The following FAM171A1 variants were observed in gnomAD, a reference collection of about 807,000 sequenced individuals.
FAM171A1 encodes family with sequence similarity 171 member A1.
In FAM171A1, 23 loss-of-function variants were observed where a neutral mutation model predicts 74.9. That is an observed-to-expected ratio of 0.31 (90% CI 0.22 to 0.44). The LOEUF is 0.44. FAM171A1 is among the 20% of genes least tolerant of loss of function. The probability of loss-of-function intolerance (pLI) is 1.00; values close to 1 mark genes in which losing one functional copy is unlikely to be tolerated. For missense variants in FAM171A1, 1,162 were observed against 1,159.2 expected, an observed-to-expected ratio of 1.00 and a Z score of -0.03; for synonymous variants, 527 against 505.7, an observed-to-expected ratio of 1.04 and a Z score of -0.57.
At chr10:15,317,285 G>A (rs1835433891) in intron 1 of FAM171A1, among the ~76,000 whole-genome samples, 1 of 152,150 alleles carries the variant, frequency 6.6e-6, no homozygotes, top group Non-Finnish European at 1.5e-5. Context: ...CACAGATAAG[G>A]GCTGGGTTTA....
chr10:15,321,632 T>A (rs1835487874), intron 1 of FAM171A1, among the ~76,000 whole-genome samples: 1 of 152,240 alleles, frequency 6.6e-6, no homozygotes, highest in African/African-American at 2.4e-5. Flanking sequence ...TTTCTGAGTC[T>A]AGAATTTTGA....
chr10:15,255,316 G>A (rs1157392276), intron 3 of FAM171A1, among the ~76,000 whole-genome samples: 9 of 152,158 alleles, frequency 5.9e-5, no homozygotes, highest in Non-Finnish European at 1.3e-4. Context: ...GAAAAATCTG[G>A]TTTAATGCCA....
rs933451828 is a variant in FAM171A1 at position 15,369,998 on chromosome 10, T to C, written c.97+958A>G. 2.6e-5 allele frequency among the ~76,000 whole-genome samples: 4 copies of C among 152,302 alleles called. No homozygotes were observed. In the East Asian group the frequency reaches 7.7e-4, roughly 29 times the overall value. ...GCTCATCTGCGGGCCTCAGTGGCCC[T>C]TTTGAAAACGCCAGCAACAGAGGAG... On this transcript the variant is annotated intron_variant, in intron 1 of 7. Transcript: ENST00000378116.
At chr10:15,318,053 C>T (rs929949553) in intron 1 of FAM171A1, among the ~76,000 whole-genome samples, 55 of 152,326 alleles carry the variant, frequency 3.6e-4, no homozygotes, top group African/African-American at 1.3e-3. Context: ...CCTGGCTTCC[C>T]AAAGTGCTAG....
At chr10:15,299,200 T>C (rs1331877258) in intron 1 of FAM171A1, among the ~76,000 whole-genome samples, 2 of 152,216 alleles carry the variant, frequency 1.3e-5, no homozygotes, top group African/African-American at 4.8e-5. Context: ...ATTACAGGTG[T>C]GAGCCACCGC....
In FAM171A1 at chr10:15,284,060, G is replaced by C. The variant is rs764757061; in HGVS notation, c.143C>G (p.Pro48Arg). 9 of 1,609,174 alleles carry C rather than the reference G, an allele frequency of 5.6e-6. No homozygotes were observed. Among genetic ancestry groups the C allele is most frequent in the Non-Finnish European group, 8.5e-7 (1 of 1,178,196 alleles). ...GATCTCGATGAGCGCATCTGCTACG[G>C]GCTGGTGGGTGCTGGCGTCGCTGAT... ...VHISDASTHQ[P>R]VADALIEIFT... Residue 48 changes from proline (P) to arginine (R), a missense_variant, in exon 2 of 8, where the codon CCC (proline) becomes CGC (arginine). Pro to Arg is a moderately radical substitution (Grantham distance 103). Coordinates refer to ENST00000378116, the MANE Select transcript of FAM171A1 (RefSeq NM_001010924.2).
At chr10:15,270,653 G>T (rs918280349) in intron 3 of FAM171A1, among the ~76,000 whole-genome samples, 2 of 152,104 alleles carry the variant, frequency 1.3e-5, no homozygotes, top group African/African-American at 2.4e-5. Context: ...CACCTCATAC[G>T]GCTGGGTGCC....
chr10:15,305,780 T>C (rs935839690), intron 1 of FAM171A1, among the ~76,000 whole-genome samples: 54 of 148,854 alleles, frequency 3.6e-4, no homozygotes, highest in African/African-American at 1.2e-3. Context: ...GTACATCCAA[T>C]ATGCAAATTG....
intron 1 of FAM171A1, among the ~76,000 whole-genome samples, chr10:15,351,693 GTGGA>G (rs879620442): frequency 1.3e-5 from 2 of 151,254 alleles, no homozygotes; most frequent in African/African-American, 4.9e-5. Context: ...GGATGGATGG[GTGGA>G]TGGATGGATG....
chr10:15,256,117 C>G (rs1834577625), intron 3 of FAM171A1, among the ~76,000 whole-genome samples: 2 of 152,168 alleles, frequency 1.3e-5, no homozygotes, highest in African/African-American at 4.8e-5. Flanking sequence ...TCCACCTGTG[C>G]TTTGCTGAGG....
At chr10:15,227,994 T>C (rs577088883) in intron 5 of FAM171A1, among the ~76,000 whole-genome samples, 1 of 152,262 alleles carries the variant, frequency 6.6e-6, no homozygotes, top group East Asian at 1.9e-4. Flanking sequence ...CTACTTTTAT[T>C]TGCAAAGTAT....
chr10:15,358,377 C>T (rs1220471012), intron 1 of FAM171A1, among the ~76,000 whole-genome samples: 2 of 152,172 alleles, frequency 1.3e-5, no homozygotes, highest in Non-Finnish European at 2.9e-5. Flanking sequence ...AGAAAGCCCT[C>T]ACTCTATGCC....
intron 5 of FAM171A1, 104 bp downstream of exon 5, chr10:15,248,535 C>T: frequency 8.0e-7 from 1 of 1,256,134 alleles, no homozygotes; most frequent in Non-Finnish European, 1.1e-6. Context: ...CAGCAGCATT[C>T]ACTGACTTCA....
intron 1 of FAM171A1, among the ~76,000 whole-genome samples, chr10:15,364,806 G>A (rs766095275): frequency 6.6e-6 from 1 of 152,216 alleles, no homozygotes; most frequent in East Asian, 1.9e-4. Flanking sequence ...ATCTGCAAAG[G>A]TATCTGTGTA....
intron 1 of FAM171A1, among the ~76,000 whole-genome samples, chr10:15,324,647 A>C (rs1348417480): frequency 6.6e-6 from 1 of 152,130 alleles, no homozygotes; most frequent in East Asian, 1.9e-4. Context: ...CGTCTAACCA[A>C]GGAATGTTTA....
At chr10:15,324,977 C>T (rs1343778099) in intron 1 of FAM171A1, among the ~76,000 whole-genome samples, 1 of 152,138 alleles carries the variant, frequency 6.6e-6, no homozygotes, top group African/African-American at 2.4e-5. Flanking sequence ...ATGGAAAAGG[C>T]AAGGTGAGTG....
At chr10:15,221,907 T>C (rs1255797843) in intron 5 of FAM171A1, among the ~76,000 whole-genome samples, 1 of 152,124 alleles carries the variant, frequency 6.6e-6, no homozygotes, top group Non-Finnish European at 1.5e-5. Flanking sequence ...CAGCATTTGA[T>C]TGCATTTTTA....
At chr10:15,278,111 C>T (rs975356702) in intron 2 of FAM171A1, among the ~76,000 whole-genome samples, 2 of 152,110 alleles carry the variant, frequency 1.3e-5, no homozygotes, top group African/African-American at 4.8e-5. Context: ...GTGGATGTGA[C>T]CTCTTTTCAC....
At chr10:15,283,244 C>T (rs983505555) in intron 2 of FAM171A1, among the ~76,000 whole-genome samples, 1 of 152,160 alleles carries the variant, frequency 6.6e-6, no homozygotes, top group Non-Finnish European at 1.5e-5. Context: ...CACAGCTTGC[C>T]CCTGCTGGGA....
Sources: gnomAD v4.1 joint callset for allele counts (sites outside exome capture counted in the v4.1 genomes callset) on GRCh38, gnomAD v4.1.1 for gene constraint, MANE v1.5 for transcripts, NCBI Gene and HGNC (gene_info 2026-07-23, HGNC 2026-07-21) for gene names.